ERG: variants seen among roughly 807,000 people sequenced by gnomAD.
ERG encodes ETS transcription factor ERG, also known as transcriptional regulator ERG.
Under a neutral mutation model 55.3 loss-of-function variants are expected in ERG, and 9 were observed. The ratio of observed to expected loss-of-function variants is 0.16; its 90% CI spans 0.10 to 0.28. The LOEUF (loss-of-function observed/expected upper bound fraction) is 0.28. ERG is among the 10% of genes least tolerant of loss of function. The pLI, the probability that ERG is intolerant of heterozygous loss-of-function variation, is 1.00. For missense variants in ERG, 434 were observed against 631.6 expected (o/e 0.69, Z 3.35); for synonymous variants, 223 against 237.3 (o/e 0.94, Z 0.55).
At chr21:38,506,205 A>G (rs1040192219) in intron 2 of ERG, among the ~76,000 whole-genome samples, 1 of 152,230 alleles carries the variant, frequency 6.6e-6, no homozygotes, top group Non-Finnish European at 1.5e-5. Context: ...AAAGCCTGAA[A>G]AATTTACCAC....
chr21:38,449,554 T>C (rs1049750202), intron 1 of ERG, among the ~76,000 whole-genome samples: 2 of 152,160 alleles, frequency 1.3e-5, no homozygotes, highest in African/African-American at 4.8e-5. Flanking sequence ...GCATCTATTT[T>C]CAAGTAACTA....
At chr21:38,433,307 G>A (rs993330585) in intron 2 of ERG, among the ~76,000 whole-genome samples, 4 of 152,134 alleles carry the variant, frequency 2.6e-5, no homozygotes, top group Non-Finnish European at 5.9e-5. Context: ...TGGAGGTGAG[G>A]ACCAGGACAG....
chr21:38,493,524 T>G (rs1231764155), intron 1 of ERG, among the ~76,000 whole-genome samples: 3 of 152,240 alleles, frequency 2.0e-5, no homozygotes, highest in African/African-American at 7.2e-5. Flanking sequence ...CCATAAGAAT[T>G]TTTTATGTTT....
At chr21:38,391,772 T>TTGATGTTG (rs1987983771) in intron 7 of ERG, 57 bp from the exon 8 acceptor site, 2 of 1,316,982 alleles carry the variant, frequency 1.5e-6, no homozygotes, top group Non-Finnish European at 2.2e-6. Context: ...TCACTAGTCT[T>TTGATGTTG]TGATGTTGTT....
intron 1 of ERG, among the ~76,000 whole-genome samples, chr21:38,450,656 C>T (rs1272698074): frequency 6.6e-6 from 1 of 152,142 alleles, no homozygotes; most frequent in Non-Finnish European, 1.5e-5. Context: ...CCAAATAAAC[C>T]AGGTTACCTT....
intron 3 of ERG, among the ~76,000 whole-genome samples, chr21:38,413,973 G>C (rs941730233): frequency 2.6e-5 from 4 of 152,060 alleles, no homozygotes; most frequent in Non-Finnish European, 4.4e-5. Flanking sequence ...TATTTTCCTA[G>C]GGCTGCCGTA....
At chr21:38,420,277 G>C (rs948742598) in intron 3 of ERG, among the ~76,000 whole-genome samples, 5 of 149,536 alleles carry the variant, frequency 3.3e-5, no homozygotes, top group African/African-American at 1.3e-4. Flanking sequence ...TGTCCAGATT[G>C]TGCAATGAAG....
At chr21:38,593,786 A>G (rs924296086) in intron 1 of ERG, among the ~76,000 whole-genome samples, 2 of 152,246 alleles carry the variant, frequency 1.3e-5, no homozygotes. Flanking sequence ...ATGGCAAGTC[A>G]TATTAAAGAG....
chr21:38,468,982 C>CAAAAAAAAAAAAAAAAA (rs1261630693), intron 1 of ERG, among the ~76,000 whole-genome samples: 13 of 29,028 alleles, frequency 4.5e-4, no homozygotes, highest in Non-Finnish European at 8.1e-4. Flanking sequence ...GACTCTGTCT[C>CAAAAAAAAAAAAAAAAA]AAAAAAAAAA....
In ERG at chr21:38,459,268, A is replaced by G. The variant is rs74456683; in HGVS notation, c.19-13647T>C. Among the ~76,000 whole-genome samples, 1,443 of 152,348 alleles carry G rather than the reference A, an allele frequency of 9.5e-3. 22 individuals are homozygous for G. Among genetic ancestry groups the G allele is most frequent in the African/African-American group, 0.032 (1,336 of 41,582 alleles). Reference sequence around the variant, plus strand: ...TTAATAACTTGTTTCCCAAGGCCACATAAGTGTCATTACTGGATGATAATT... The same window carrying G: ...TTAATAACTTGTTTCCCAAGGCCACGTAAGTGTCATTACTGGATGATAATT... On this transcript the variant is annotated intron_variant, in intron 1 of 9. Transcript: ENST00000288319.
chr21:38,519,899 C>T (rs2059581209), intron 2 of ERG, among the ~76,000 whole-genome samples: 1 of 152,026 alleles, frequency 6.6e-6, no homozygotes, highest in African/African-American at 2.4e-5. Flanking sequence ...AAGCCCTTTG[C>T]CATCTGATAT....
upstream of ERG, among the ~76,000 whole-genome samples, chr21:38,588,866 G>T (rs1039020702): frequency 1.3e-5 from 2 of 151,086 alleles, no homozygotes; most frequent in Non-Finnish European, 2.9e-5. Flanking sequence ...ATAGGAAAAA[G>T]AGTCATGCAC....
chr21:38,554,356 A>G (rs1211882456), intron 2 of ERG, among the ~76,000 whole-genome samples: 2 of 152,232 alleles, frequency 1.3e-5, no homozygotes, highest in Admixed American at 1.3e-4. Context: ...AAATTGTTCT[A>G]CTGTAAAGAC....
intron 9 of ERG, 97 bp from the exon 10 acceptor site, chr21:38,384,020 C>T (rs907565928): frequency 8.2e-6 from 12 of 1,461,390 alleles, no homozygotes; most frequent in African/African-American, 2.8e-5. Flanking sequence ...ATTGGTGTGC[C>T]GCCCACATTC....
rs1989051679 is a variant in ERG at position 38,411,578 on chromosome 21, G to A, written c.389-7869C>T. Among the ~76,000 whole-genome samples, 4 of 152,220 alleles carry A rather than the reference G, an allele frequency of 2.6e-5. No homozygotes were observed. In the South Asian group the frequency reaches 8.3e-4, roughly 31 times the overall value. On this transcript the variant is annotated intron_variant, in intron 3 of 9. Transcript: ENST00000288319. ...CCACCTCGGCCTCCCAAAGTGCTGG[G>A]ATTGCAGGCGTGAGCCACCATGCCC...
chr21:38,517,152 A>T (rs115510179), intron 2 of ERG, among the ~76,000 whole-genome samples: 52 of 152,212 alleles, frequency 3.4e-4, no homozygotes, highest in African/African-American at 1.2e-3. Context: ...CAAAGGAAAG[A>T]AAACAACCAG....
In ERG at chr21:38,382,579, C is replaced by G; in HGVS notation, c.*824G>C. ...TGGTATAACACTGACTGCATGAACC[C>G]TCGAGTCTCCATAACTCATTGTACA... is the stretch of plus-strand genomic sequence containing the variant. On this transcript the variant is annotated 3_prime_UTR_variant, in exon 10 of 10. Transcript: ENST00000288319. 9.4e-7 allele frequency: 1 copy of G among 1,066,020 alleles called. No homozygotes were observed. The highest frequency in any genetic ancestry group is 5.0e-5 in the East Asian group (1 of 20,092). The allele number at this position is 1,066,020 out of a possible 1,614,324, so 66.0% of individuals were successfully genotyped here.
At chr21:38,488,314 G>A (rs1356377078) in intron 1 of ERG, among the ~76,000 whole-genome samples, 1 of 152,156 alleles carries the variant, frequency 6.6e-6, no homozygotes, top group Non-Finnish European at 1.5e-5. Flanking sequence ...GTGGAGCTGT[G>A]GGTTTCCGTG....
intron 1 of ERG, among the ~76,000 whole-genome samples, chr21:38,482,936 A>G (rs2059251036): frequency 6.6e-6 from 1 of 152,208 alleles, no homozygotes; most frequent in Admixed American, 6.5e-5. Flanking sequence ...CCGTGGCCTC[A>G]CAAAGTGTTG....
Sources: allele counts gnomAD v4.1 joint callset (sites outside exome capture counted in the v4.1 genomes callset), GRCh38; gene constraint gnomAD v4.1.1; transcripts MANE v1.5; gene names NCBI Gene and HGNC (gene_info 2026-07-23, HGNC 2026-07-21).